NRXN1: variants seen among roughly 807,000 people sequenced by gnomAD.
NRXN1 encodes the protein neurexin-1.
A neutral mutation model predicts 150.9 loss-of-function variants in NRXN1; 39 were observed. The observed-to-expected ratio is 0.26, with a 90% CI of 0.20 to 0.34. The LOEUF is 0.34. NRXN1 is among the 10% of genes least tolerant of loss of function. NRXN1 has a pLI of 1.00. For synonymous variants in NRXN1, 924 were observed against 757.0 expected (o/e 1.22, Z -3.62); for missense variants, 1,815 against 1,949.9 (o/e 0.93, Z 1.30).
chr2:49,956,688 GTTA>G (rs1675018982), intron 21 of NRXN1, among the ~76,000 whole-genome samples: 2 of 152,080 alleles, frequency 1.3e-5, no homozygotes, highest in African/African-American at 4.8e-5. Flanking sequence ...CTCTCTTCCA[GTTA>G]TTATTATATG....
At chr2:50,745,152 A>G (rs1376021912) in intron 5 of NRXN1, among the ~76,000 whole-genome samples, 6 of 152,038 alleles carry the variant, frequency 3.9e-5, no homozygotes, top group African/African-American at 1.2e-4. Context: ...AATCTCTCCA[A>G]ATCTCTGTTA....
chr2:50,389,593 T>C (rs1454561295), intron 17 of NRXN1, among the ~76,000 whole-genome samples: 3 of 152,092 alleles, frequency 2.0e-5, no homozygotes, highest in Non-Finnish European at 4.4e-5. Flanking sequence ...TTTCAAGGCC[T>C]CTCAGAGGTT....
At chr2:50,042,213 G>A (rs956526582) in intron 21 of NRXN1, among the ~76,000 whole-genome samples, 29 of 152,242 alleles carry the variant, frequency 1.9e-4, no homozygotes, top group African/African-American at 7.0e-4. Flanking sequence ...ATTCAGGACT[G>A]ATACGGTTTG....
intron 5 of NRXN1, among the ~76,000 whole-genome samples, chr2:50,752,082 T>C (rs1427239848): frequency 6.6e-6 from 1 of 152,020 alleles, no homozygotes; most frequent in Non-Finnish European, 1.5e-5. Flanking sequence ...GTTACAAATG[T>C]TGACTCAGGC....
chr2:50,576,970 A>G (rs957663122), intron 8 of NRXN1, among the ~76,000 whole-genome samples: 1 of 152,044 alleles, frequency 6.6e-6, no homozygotes, highest in Non-Finnish European at 1.5e-5. Flanking sequence ...CTTTTCTGAC[A>G]TTTTAATGAT....
chr2:50,619,382 C>T (rs564322355), intron 8 of NRXN1: 2 of 152,248 alleles, frequency 1.3e-5, no homozygotes, highest in East Asian at 3.9e-4. Context: ...CAAAACCCAA[C>T]AAATTCCAAT....
intron 19 of NRXN1, among the ~76,000 whole-genome samples, chr2:50,081,094 T>C (rs908003281): frequency 1.3e-5 from 2 of 152,198 alleles, no homozygotes; most frequent in African/African-American, 4.8e-5. Flanking sequence ...TGGATTCCTA[T>C]GGAGGCAGAG....
At chr2:50,801,088 C>A (rs1177198676) in intron 5 of NRXN1, among the ~76,000 whole-genome samples, 1 of 151,958 alleles carries the variant, frequency 6.6e-6, no homozygotes, top group Non-Finnish European at 1.5e-5. Flanking sequence ...TTTTAAATTT[C>A]TCTGATTCTT....
intron 5 of NRXN1, among the ~76,000 whole-genome samples, chr2:50,794,197 G>A (rs1300245910): frequency 1.3e-5 from 2 of 152,064 alleles, no homozygotes; most frequent in Non-Finnish European, 1.5e-5. Flanking sequence ...ACATCCGACT[G>A]AAACAGGCTT....
intron 18 of NRXN1, among the ~76,000 whole-genome samples, chr2:50,141,850 G>A (rs1425409348): frequency 2.6e-5 from 4 of 152,058 alleles, no homozygotes. Context: ...CACATTGTTG[G>A]TGGGGATGTA....
chr2:50,435,323 G>A (rs1305966413), intron 17 of NRXN1, among the ~76,000 whole-genome samples: 1 of 152,118 alleles, frequency 6.6e-6, no homozygotes, highest in African/African-American at 2.4e-5. Context: ...AAACATGTAT[G>A]TGAATACATT....
At chr2:50,843,938 T>G (rs1673238910) in intron 5 of NRXN1, among the ~76,000 whole-genome samples, 1 of 152,062 alleles carries the variant, frequency 6.6e-6, no homozygotes, top group Non-Finnish European at 1.5e-5. Flanking sequence ...AAGGTCAGCC[T>G]TAAACCAAAC....
intron 13 of NRXN1, among the ~76,000 whole-genome samples, chr2:50,503,818 G>A (rs2092079921): frequency 6.6e-6 from 1 of 152,046 alleles, no homozygotes; most frequent in Non-Finnish European, 1.5e-5. Flanking sequence ...TAGTTGAAAG[G>A]GAGAAAACGT....
chr2:50,270,496 T>C (rs2069448937), intron 17 of NRXN1, among the ~76,000 whole-genome samples: 2 of 152,206 alleles, frequency 1.3e-5, no homozygotes, highest in South Asian at 4.2e-4. Context: ...ATTAAATTGT[T>C]TATTCATCCT....
intron 15 of NRXN1, among the ~76,000 whole-genome samples, chr2:50,491,602 C>T (rs1428745134): frequency 6.6e-6 from 1 of 152,044 alleles, no homozygotes; most frequent in Non-Finnish European, 1.5e-5. Context: ...AGCTCAAAAT[C>T]CTTGAAGGAG....
intron 8 of NRXN1, among the ~76,000 whole-genome samples, chr2:50,598,384 G>C (rs986455251): frequency 1.3e-5 from 2 of 151,324 alleles, no homozygotes; most frequent in South Asian, 4.2e-4. Context: ...GCTTCCTTGA[G>C]CCTCCTCTAT....
intron 5 of NRXN1, among the ~76,000 whole-genome samples, chr2:50,850,737 C>T (rs1348563434): frequency 6.0e-5 from 7 of 116,786 alleles, no homozygotes; most frequent in African/African-American, 1.3e-4. Context: ...AAAGATTAAA[C>T]TAAGGTTTTT....
chr2:49,960,689 C>T (rs1359008290), intron 21 of NRXN1, among the ~76,000 whole-genome samples: 1 of 152,142 alleles, frequency 6.6e-6, no homozygotes, highest in Non-Finnish European at 1.5e-5. Flanking sequence ...ATTAAATTAA[C>T]ACCACCCTCC....
At chr2:50,056,526 A>C (rs980674124) in intron 19 of NRXN1, among the ~76,000 whole-genome samples, 1 of 152,142 alleles carries the variant, frequency 6.6e-6, no homozygotes, top group African/African-American at 2.4e-5. Context: ...AAACATTGTA[A>C]AATAATATTT....
Sources: allele counts gnomAD v4.1 joint callset (sites outside exome capture counted in the v4.1 genomes callset), GRCh38; gene constraint gnomAD v4.1.1; transcripts MANE v1.5; gene names NCBI Gene and HGNC (gene_info 2026-07-23, HGNC 2026-07-21).